The following SATB1 variants were observed in gnomAD, a reference collection of about 807,000 sequenced individuals.
SATB1 encodes the protein SATB homeobox 1.
In SATB1, 11 loss-of-function variants were observed where a neutral mutation model predicts 86.9. That is an observed-to-expected ratio of 0.13 (90% CI 0.08 to 0.21). The LOEUF (loss-of-function observed/expected upper bound fraction) is 0.21. Ranked by LOEUF, SATB1 falls within the 10% of genes least tolerant of loss-of-function variation. The probability of loss-of-function intolerance (pLI) is 1.00; values close to 1 mark genes in which losing one functional copy is unlikely to be tolerated. For synonymous variants in SATB1, 357 were observed against 357.2 expected, an observed-to-expected ratio of 1.00 and a Z score of 0.01; for missense variants, 551 against 937.6, an observed-to-expected ratio of 0.59 and a Z score of 5.39.
intron 9 of SATB1, among the ~76,000 whole-genome samples, chr3:18,374,231 A>G (rs542156506): frequency 6.6e-6 from 1 of 152,174 alleles, no homozygotes. Flanking sequence ...TGTGGAATAA[A>G]ATTAGATTCC....
chr3:18,441,225 T>A (rs1699235980), upstream of SATB1, among the ~76,000 whole-genome samples: 2 of 152,204 alleles, frequency 1.3e-5, no homozygotes, highest in Non-Finnish European at 2.9e-5. Flanking sequence ...TTTTCTATTT[T>A]ATGTATGCCA....
chr3:18,381,037 T>C (rs1466039994), intron 8 of SATB1, among the ~76,000 whole-genome samples: 1 of 152,176 alleles, frequency 6.6e-6, no homozygotes, highest in African/African-American at 2.4e-5. Flanking sequence ...TTTATCAAGG[T>C]AGGGTGTACT....
In SATB1 at chr3:18,352,328, A is replaced by T; in HGVS notation, c.1576-133T>A. ...CAGAACACACCATTCTGCTTTAAAA[A>T]TTGTTTTTAACTTGTTAAGAGAGGT... On this transcript the variant is annotated intron_variant, in intron 9 of 10. Transcript: ENST00000338745. The surrounding 1 kb of genome is among the most constrained non-coding windows in gnomAD (Gnocchi z 4.1). 1 of 734,434 alleles carries T rather than the reference A, an allele frequency of 1.4e-6. No homozygotes were observed. The highest frequency in any genetic ancestry group is 2.2e-6 in the Non-Finnish European group (1 of 452,130). 45.5% of individuals were successfully genotyped at this position (734,434 alleles called of 1,614,324 possible).
rs546489539 is a variant in SATB1, at chr3:18,397,465, A to G, written c.640-175T>C. Among the ~76,000 whole-genome samples the G allele has an allele frequency of 3.8e-3, 578 of 152,246 alleles. 3 individuals carry two copies. The highest frequency in any genetic ancestry group is 0.018 in the South Asian group (85 of 4,828). ...TAATATTCATTAAGTAGATCATCAA[A>G]TGCTTATTTAAGTAGAAAGCAACAG... is the stretch of plus-strand genomic sequence containing the variant. On this transcript the variant is annotated intron_variant, in intron 5 of 10. Transcript: ENST00000338745.
At chr3:18,366,794 A>G (rs1230107072) in intron 9 of SATB1, among the ~76,000 whole-genome samples, 1 of 152,128 alleles carries the variant, frequency 6.6e-6, no homozygotes, top group East Asian at 1.9e-4. Context: ...GGATTCCAAC[A>G]ATCAATTCAA....
At chr3:18,429,610 C>T (rs932603981), upstream of SATB1, among the ~76,000 whole-genome samples, 1 of 152,176 alleles carries the variant, frequency 6.6e-6, no homozygotes, top group Non-Finnish European at 1.5e-5. The surrounding 1 kb of genome is among the most constrained non-coding windows in gnomAD (Gnocchi z 4.1). Context: ...CCAACCTGAC[C>T]CAGCCTTGAA....
intron 5 of SATB1, among the ~76,000 whole-genome samples, chr3:18,412,313 C>G (rs1330663483): frequency 1.3e-5 from 2 of 151,976 alleles, no homozygotes; most frequent in African/African-American, 4.8e-5. Flanking sequence ...GACAATCGTC[C>G]TAAGAGCATT....
At position 18,420,851 on chromosome 3, in the gene SATB1, C is replaced by A. The variant is rs150879927; in HGVS notation, c.117G>T (p.Pro39=). ...TACTCCCAAGCCTTCCTCTTCCTAG[C>A]GGGCTCCCGTTCTGCTCCAGGCGGG... The part of the protein sequence containing the change: ...KIARLEQNGS[P]LGRGRLGSTG... Residue 39 remains proline, a synonymous_variant, in exon 2 of 11, where the codon CCG becomes CCT. Transcript: ENST00000338745. 3.0e-4 allele frequency: 489 copies of A among 1,614,078 alleles called. 1 individual carries two copies. Among genetic ancestry groups the A allele is most frequent in the Non-Finnish European group, 3.9e-4 (456 of 1,180,040 alleles).
chr3:18,403,693 TATAA>T (rs1697382086), intron 5 of SATB1, among the ~76,000 whole-genome samples: 2 of 152,214 alleles, frequency 1.3e-5, no homozygotes, highest in South Asian at 4.1e-4. Flanking sequence ...CATGGTGATG[TATAA>T]AGCCCTACAG....
In SATB1 at chr3:18,437,706, G is replaced by C. The variant is rs551786471; in HGVS notation, c.-107-835C>G. On this transcript the variant is annotated intron_variant, in intron 1 of 3. Coordinates refer to the SATB1 transcript ENST00000414509. ...ACTCTAAGAAAATTTTTAAAACATA[G>C]TTATTAAAATATTGTTTTTTCCTCC... Among the ~76,000 whole-genome samples, 6 of 152,214 alleles carry C rather than the reference G, an allele frequency of 3.9e-5. No homozygotes were observed. In the South Asian group the frequency reaches 1.0e-3, roughly 26 times the overall value.
At chr3:18,383,909 A>G (rs1317057465) in intron 8 of SATB1, among the ~76,000 whole-genome samples, 1 of 152,176 alleles carries the variant, frequency 6.6e-6, no homozygotes, top group Non-Finnish European at 1.5e-5. Flanking sequence ...TCTCCATTAT[A>G]ATAATATTAA....
intron 9 of SATB1, among the ~76,000 whole-genome samples, chr3:18,377,047 T>C (rs1404743530): frequency 6.6e-6 from 1 of 152,190 alleles, no homozygotes; most frequent in African/African-American, 2.4e-5. Context: ...ATCAGGCCTA[T>C]AACTTAAACA....
At chr3:18,389,246 T>C (rs529161950) in intron 7 of SATB1, among the ~76,000 whole-genome samples, 7 of 148,100 alleles carry the variant, frequency 4.7e-5, no homozygotes, top group Non-Finnish European at 8.9e-5. Context: ...TCTCAGGTGT[T>C]TCAGAAACCT....
chr3:18,390,394 G>A (rs534353906), intron 7 of SATB1, among the ~76,000 whole-genome samples: 1 of 152,132 alleles, frequency 6.6e-6, no homozygotes, highest in African/African-American at 2.4e-5. Flanking sequence ...CCAGGTAAAA[G>A]ACTATTTTCA....
At position 18,349,078 on chromosome 3, in the gene SATB1, A is replaced by T. The variant is rs955018997; in HGVS notation, c.*92T>A. On this transcript the variant is annotated 3_prime_UTR_variant, in exon 11 of 11. Coordinates refer to ENST00000338745, the MANE Select transcript of SATB1 (RefSeq NM_002971.6). This position sits in a 1 kb window ranked among gnomAD's most constrained non-coding sequence, Gnocchi z 5.5. ...TGAAGATTCATTGGCCAAACAATGA[A>T]CAACAAAGGTTTTCTGAGAGAAGAC... is the stretch of plus-strand genomic sequence containing the variant. The T allele has an allele frequency of 3.3e-6, 5 of 1,517,044 alleles. No homozygotes were observed. Among genetic ancestry groups the T allele is most frequent in the South Asian group, 1.4e-5 (1 of 73,082 alleles). The allele number at this position is 1,517,044 out of a possible 1,614,324, so 94.0% of individuals were successfully genotyped here. A position where few individuals can be genotyped will look rare whatever the true frequency, so the allele number is the denominator to read the frequency against.
chr3:18,417,806 T>G (rs1006833916), intron 2 of SATB1: 12 of 593,242 alleles, frequency 2.0e-5, no homozygotes, highest in Non-Finnish European at 3.2e-5. Context: ...ACAATCTTTG[T>G]TACAGTAAAT....
rs1695864730 is a variant in SATB1 at position 18,378,285 on chromosome 3, G to A, written c.1460C>T (p.Pro487Leu). The change falls in exon 9 of 11, where the codon CCA becomes CTA. Residue 487 changes from proline (P) to leucine (L), a missense_variant. By Grantham distance (98) the Pro-to-Leu change is moderately conservative. This residue lies in a region of SATB1 where 110 missense variants were observed against 212.2 expected (regional missense o/e 0.52). Coordinates refer to ENST00000338745, the MANE Select transcript of SATB1 (RefSeq NM_002971.6). The part of the protein sequence containing the change: ...ATIATERNGK[P>L]ENNTMNINAS... ...ATTAATGTTCATGGTATTGTTCTCT[G>A]GTTTCCCATTCCTTTCAGTGGCAAT... 6.2e-7 allele frequency: 1 copy of A among 1,610,526 alleles called. No homozygotes were observed. Among genetic ancestry groups the A allele is most frequent in the Non-Finnish European group, 8.5e-7 (1 of 1,178,626 alleles).
chr3:18,392,486 T>C (rs1696727158), intron 7 of SATB1, among the ~76,000 whole-genome samples: 1 of 152,056 alleles, frequency 6.6e-6, no homozygotes, highest in South Asian at 2.1e-4. Flanking sequence ...TAAAGGACAC[T>C]TACTTAGTGC....
chr3:18,405,726 G>A (rs566154330), intron 5 of SATB1, among the ~76,000 whole-genome samples: 1 of 151,882 alleles, frequency 6.6e-6, no homozygotes, highest in Admixed American at 6.6e-5. Flanking sequence ...ATAATTTCAG[G>A]GTCTGCACAG....
Sources: gnomAD v4.1 joint callset for allele counts (sites outside exome capture counted in the v4.1 genomes callset) on GRCh38, gnomAD v4.1.1 for gene constraint, gnomAD v4.1.1 regional missense constraint, Gnocchi (gnomAD v3.1) non-coding constraint, MANE v1.5 for transcripts, NCBI Gene and HGNC (gene_info 2026-07-23, HGNC 2026-07-21) for gene names.